Variants in CERCAM observed in about 807,000 individuals in gnomAD.
CERCAM encodes the protein cerebral endothelial cell adhesion molecule.
In CERCAM, 59 loss-of-function variants were observed where a neutral mutation model predicts 66.0. That is an observed-to-expected ratio of 0.89 (90% CI 0.73 to 1.11). The LOEUF (loss-of-function observed/expected upper bound fraction) is 1.11, where lower values mean the gene tolerates loss of function less well. Among genes scored for constraint, CERCAM ranks in the 50% most tolerant of loss-of-function variants. The pLI, the probability that CERCAM is intolerant of heterozygous loss-of-function variation, is 0.00. For synonymous variants in CERCAM, 318 were observed against 343.6 expected, an observed-to-expected ratio of 0.93 and a Z score of 0.83; for missense variants, 840 against 828.3, an observed-to-expected ratio of 1.01 and a Z score of -0.17.
Position 128,434,255 on chromosome 9 carries a change from A to G in CERCAM, c.1331+26A>G, listed in dbSNP as rs375926053. 168 of 1,613,252 alleles carry G rather than the reference A, an allele frequency of 1.0e-4. No homozygotes were observed. Among genetic ancestry groups the G allele is most frequent in the Middle Eastern group, 3.3e-4 (2 of 6,066 alleles). On this transcript the variant is annotated intron_variant, in intron 10 of 12. Coordinates refer to ENST00000372838, the MANE Select transcript of CERCAM (RefSeq NM_016174.5). The surrounding 1 kb of genome is among the most constrained non-coding windows in gnomAD (Gnocchi z 4.5). ...GTAGGCAGCCTGCACCCTCAGGGAC[A>G]AGGGGGCAGGGTGGGCCTCCGGAGT...
At chr9:128,422,589 T>C (rs1394703002) in intron 1 of CERCAM, 2 of 378,404 alleles carry the variant, frequency 5.3e-6, no homozygotes, top group Non-Finnish European at 9.6e-6. Context: ...ATTATTCTTC[T>C]CTTATCTTTG....
chr9:128,419,538 G>T (rs1294557600), upstream of CERCAM: 1 of 152,238 alleles, frequency 6.6e-6, no homozygotes, highest in Non-Finnish European at 1.5e-5. Flanking sequence ...TCATTCTCTC[G>T]AGGAATCCCT....
At chr9:128,427,516 C>G (rs1833872270) in intron 5 of CERCAM, 1 of 152,110 alleles carries the variant, frequency 6.6e-6, no homozygotes, top group African/African-American at 2.4e-5. Context: ...GTAATCCCAG[C>G]ACTTTGGATG....
At chr9:128,424,085 TG>T (rs1564425484) in intron 3 of CERCAM, 52 bp from the exon 4 acceptor site, 2 of 1,590,816 alleles carry the variant, frequency 1.3e-6, no homozygotes, top group East Asian at 2.2e-5. Flanking sequence ...GTGAACTCCT[TG>T]GGGGGCTGCA....
intron 1 of CERCAM, 62 bp from the exon 2 acceptor site, chr9:128,422,806 G>C: frequency 6.3e-7 from 1 of 1,586,266 alleles, no homozygotes; most frequent in Non-Finnish European, 8.6e-7. Context: ...TTGGGGTCAA[G>C]GCTGCCTTGG....
In CERCAM at chr9:128,431,297, G is replaced by C. The variant is rs1833970558; in HGVS notation, c.1197G>C (p.Trp399Cys). 6.2e-7 allele frequency: 1 copy of C among 1,613,902 alleles called. No homozygotes were observed. The highest frequency in any genetic ancestry group is 1.3e-5 in the African/African-American group (1 of 74,938). ...VGCFLSHYSI[W>C]EEVVARGLAR... ...GCTTCCTCAGCCATTACTCCATCTGGGAAGAGGTGAGGGTGCCTGCTTCCT... is the reference window on the plus strand; with the variant it reads ...GCTTCCTCAGCCATTACTCCATCTGCGAAGAGGTGAGGGTGCCTGCTTCCT... Residue 399 changes from tryptophan to cysteine, a missense_variant, in exon 9 of 13, where the codon TGG (tryptophan) becomes TGC (cysteine). Trp to Cys is a radical substitution (Grantham distance 215). Coordinates refer to ENST00000372838, the MANE Select transcript of CERCAM (RefSeq NM_016174.5).
intron 11 of CERCAM, among the ~76,000 whole-genome samples, chr9:128,435,152 C>G (rs1007916178): frequency 1.3e-5 from 2 of 152,262 alleles, no homozygotes; most frequent in African/African-American, 4.8e-5. Context: ...TGCCACCACA[C>G]CAAGCTAACT....
Position 128,424,573 on chromosome 9 carries a change from T to C in CERCAM, c.725T>C (p.Phe242Ser), listed in dbSNP as rs986531908. Residue 242 changes from phenylalanine (F) to serine (S), a missense_variant, in exon 5 of 13, where the codon TTC becomes TCC. Physicochemically the swap from Phe to Ser is radical, Grantham distance 155. Transcript: ENST00000372838. The stretch of plus-strand genomic sequence containing the variant: ...CCACATCCCAACTACACTTGGCCTT[T>C]CGACGACATCATCGTCTTCGCCTAT... Reference protein sequence around the residue: ...YPPHPNYTWPFDDIIVFAYAC... With the variant: ...YPPHPNYTWPSDDIIVFAYAC... 3 of 1,614,060 alleles carry C rather than the reference T, an allele frequency of 1.9e-6. No homozygotes were observed. Among genetic ancestry groups the C allele is most frequent in the Admixed American group, 3.3e-5 (2 of 59,988 alleles).
At position 128,434,625 on chromosome 9, in the gene CERCAM, A is replaced by T; in HGVS notation, c.1535+12A>T. 1 of 1,580,430 alleles carries T rather than the reference A, an allele frequency of 6.3e-7. No homozygotes were observed. Among genetic ancestry groups the T allele is most frequent in the Non-Finnish European group, 8.5e-7 (1 of 1,175,220 alleles). ...GACCAGCACCCCAAGTGAGGCTCTG[A>T]TGGGGGCCGGGCATGGCAGGGCAGA... On this transcript the variant is annotated intron_variant, in intron 11 of 12. Transcript: ENST00000372838. The surrounding 1 kb of genome is among the most constrained non-coding windows in gnomAD (Gnocchi z 4.5).
chr9:128,423,093 C>T (rs1440297992), intron 2 of CERCAM, 53 bp from the exon 3 acceptor site: 2 of 1,356,540 alleles, frequency 1.5e-6, no homozygotes, highest in Admixed American at 3.9e-5. Context: ...CACTGCCCTG[C>T]AGAGAGGGAG....
intron 11 of CERCAM, 46 bp from the exon 12 acceptor site, chr9:128,435,607 G>C: frequency 6.5e-7 from 1 of 1,544,042 alleles, no homozygotes; most frequent in South Asian, 1.2e-5. Flanking sequence ...TGTCCGGGGA[G>C]TAGGGGCCCG....
rs370034302 is a variant in CERCAM, at chr9:128,424,281, G to A, written c.561+9G>A. 1.1e-5 allele frequency: 18 copies of A among 1,613,736 alleles called. No individual in the cohort carries two copies. Among genetic ancestry groups the A allele is most frequent in the East Asian group, 1.1e-4 (5 of 44,904 alleles). On this transcript the variant is annotated intron_variant, in intron 4 of 12. Coordinates refer to ENST00000372838, the MANE Select transcript of CERCAM (RefSeq NM_016174.5). ...GTGGGATCACCCCCCAGGTGAGGCC[G>A]GGATGGGGGCCTTGGGTGGACTGAG...
chr9:128,428,793 C>T lies in CERCAM; in HGVS notation c.923C>T (p.Thr308Ile). ...GPRMQASAHV[T>I]RPSKRPSKIG... ...CGCATGCAGGCCTCAGCTCATGTGA[C>T]TCGGCCCTCTAAGAGGCCCAGCAAG... is the stretch of plus-strand genomic sequence containing the variant. Residue 308 changes from threonine (T) to isoleucine (I), a missense_variant, in exon 7 of 13, where the codon ACT (threonine) becomes ATT (isoleucine). Transcript: ENST00000372838. The T allele has an allele frequency of 2.5e-6, 4 of 1,614,008 alleles. No individual in the cohort carries two copies. Among genetic ancestry groups the T allele is most frequent in the Non-Finnish European group, 3.4e-6 (4 of 1,180,016 alleles).
chr9:128,428,854 G>C, intron 7 of CERCAM, 21 bp downstream of exon 7: 1 of 1,613,448 alleles, frequency 6.2e-7, no homozygotes, highest in Non-Finnish European at 8.5e-7. Context: ...CAGCCTGTGG[G>C]CTCGCTGTTA....
Position 128,435,869 on chromosome 9 carries a change from GCA to G in CERCAM, c.1755_1756del (p.His585GlnfsTer9). On this transcript the variant is annotated frameshift_variant, in exon 12 of 13. Coordinates refer to ENST00000372838, the MANE Select transcript of CERCAM (RefSeq NM_016174.5). LOFTEE classifies it high-confidence loss of function. Reference sequence around the variant, plus strand: ...GCCTGGACCTGACTGGCAGCAGCGGGCACAGCCTCCAACCCCAGCCCCGAGAT... The same window carrying G: ...GCCTGGACCTGACTGGCAGCAGCGGGCAGCCTCCAACCCCAGCCCCGAGAT... ...PRLDLTGSSG[H>X]SLQPQPRDEL 1 of 1,607,788 alleles carries G rather than the reference GCA, an allele frequency of 6.2e-7. No homozygotes were observed. The highest frequency in any genetic ancestry group is 8.5e-7 in the Non-Finnish European group (1 of 1,178,930).
Position 128,434,636 on chromosome 9 carries a change from G to T in CERCAM, c.1535+23G>T. On this transcript the variant is annotated intron_variant, in intron 11 of 12. Transcript: ENST00000372838. The surrounding 1 kb of genome is among the most constrained non-coding windows in gnomAD (Gnocchi z 4.5). ...CAAGTGAGGCTCTGATGGGGGCCGG[G>T]CATGGCAGGGCAGAGGCGTCCCCTC... 3 of 1,594,952 alleles carry T rather than the reference G, an allele frequency of 1.9e-6. No homozygotes were observed. Among genetic ancestry groups the T allele is most frequent in the Non-Finnish European group, 2.6e-6 (3 of 1,173,608 alleles).
At chr9:128,426,093 C>T (rs1034027047) in intron 5 of CERCAM, among the ~76,000 whole-genome samples, 7 of 152,020 alleles carry the variant, frequency 4.6e-5, no homozygotes, top group African/African-American at 1.2e-4. Context: ...CGTGAGCCAC[C>T]GCCCCCGGCT....
chr9:128,432,531 G>A (rs143015943), intron 9 of CERCAM, among the ~76,000 whole-genome samples: 3,135 of 151,270 alleles, frequency 0.021, 100 homozygotes, highest in African/African-American at 0.073. Context: ...AACTACAGGC[G>A]CGCACCACCA....
rs1383074794 is a variant in CERCAM at position 128,421,361 on chromosome 9, C to G, written c.197+287C>G. ...TTCCCTGGGTGTAGGTTGGGCCCAG[C>G]CAGCCCTTTTCACCCCAGCCTTCAG... On this transcript the variant is annotated intron_variant, in intron 1 of 12. Transcript: ENST00000372838. 4 of 1,172,154 alleles carry G rather than the reference C, an allele frequency of 3.4e-6. No homozygotes were observed. In the African/African-American group the frequency reaches 6.3e-5, roughly 19 times the overall value. The allele number at this position is 1,172,154 out of a possible 1,614,324, so 72.6% of individuals were successfully genotyped here.
Sources: allele counts gnomAD v4.1 joint callset (sites outside exome capture counted in the v4.1 genomes callset), GRCh38; gene constraint gnomAD v4.1.1; non-coding constraint Gnocchi (gnomAD v3.1); transcripts MANE v1.5; gene names NCBI Gene and HGNC (gene_info 2026-07-23, HGNC 2026-07-21).